NBEAL1: variants seen among roughly 807,000 people sequenced by gnomAD.
NBEAL1 encodes the protein neurobeachin like 1.
NBEAL1 carries 273 observed loss-of-function variants against 351.3 expected under a neutral mutation model. That is an observed-to-expected ratio of 0.78 (90% confidence interval 0.70 to 0.86). The LOEUF is 0.86. NBEAL1 is among the 40% of genes least tolerant of loss of function. The pLI, the probability that NBEAL1 is intolerant of heterozygous loss-of-function variation, is 0.00. For missense variants in NBEAL1, 2,961 were observed against 3,201.3 expected (o/e 0.92, Z 1.81); for synonymous variants, 1,050 against 1,086.4 (o/e 0.97, Z 0.66).
At chr2:203,050,259 G>T in intron 4 of NBEAL1, 1 of 194,874 alleles carries the variant, frequency 5.1e-6, no homozygotes, top group Non-Finnish European at 1.0e-5. Context: ...GAAAAAATAA[G>T]CTAATTATCT....
Position 203,135,884 on chromosome 2 carries a change from G to A in NBEAL1, c.4021G>A (p.Asp1341Asn), listed in dbSNP as rs760329517. 1 of 1,614,068 alleles carries A rather than the reference G, an allele frequency of 6.2e-7. No homozygotes were observed. Among genetic ancestry groups the A allele is most frequent in the Non-Finnish European group, 8.5e-7 (1 of 1,179,962 alleles). Reference sequence around the variant, plus strand: ...CAAGAAGAACTCTGATGAAAAAACAGATGAGGAAAAAATCACCTCTTTTGC... The same window carrying A: ...CAAGAAGAACTCTGATGAAAAAACAAATGAGGAAAAAATCACCTCTTTTGC... ...DTKKNSDEKT[D>N]EEKITSFASA... Residue 1341 changes from aspartate (D) to asparagine (N), a missense_variant, in exon 28 of 56, where the codon GAT (aspartate) becomes AAT (asparagine). By Grantham distance (23) the Asp-to-Asn change is conservative. Coordinates refer to ENST00000683969, the MANE Select transcript of NBEAL1 (RefSeq NM_001378026.1).
chr2:203,122,667 A>G (rs1198044290), intron 19 of NBEAL1, among the ~76,000 whole-genome samples: 2 of 152,134 alleles, frequency 1.3e-5, no homozygotes, highest in Non-Finnish European at 1.5e-5. Context: ...CCATGTCTGT[A>G]TGGGTTCTCA....
At chr2:203,159,644 G>A (rs576928662) in intron 36 of NBEAL1, among the ~76,000 whole-genome samples, 1 of 152,110 alleles carries the variant, frequency 6.6e-6, no homozygotes, top group African/African-American at 2.4e-5. Flanking sequence ...TCAATCATGA[G>A]CATTTAGGTT....
intron 7 of NBEAL1, among the ~76,000 whole-genome samples, chr2:203,072,710 C>A (rs1349166872): frequency 6.6e-6 from 1 of 152,168 alleles, no homozygotes; most frequent in Non-Finnish European, 1.5e-5. Context: ...CAATAACATG[C>A]TCCTTATTTA....
intron 51 of NBEAL1, among the ~76,000 whole-genome samples, chr2:203,206,447 C>G (rs563274041): frequency 2.0e-5 from 3 of 152,040 alleles, no homozygotes; most frequent in African/African-American, 4.8e-5. Flanking sequence ...CTCTTTCCAC[C>G]GTCTTCCTCT....
rs1329899950 is a variant in NBEAL1 at position 203,049,994 on chromosome 2, A to G, written c.305+19A>G. On this transcript the variant is annotated intron_variant, in intron 4 of 55. Coordinates refer to ENST00000683969, the MANE Select transcript of NBEAL1 (RefSeq NM_001378026.1). ...TTTGCAGGTATCTAGTAGAAAAAATAAGCTAGTTTTCACTCATAGGTGGGA... is the reference window on the plus strand; with the variant it reads ...TTTGCAGGTATCTAGTAGAAAAAATGAGCTAGTTTTCACTCATAGGTGGGA... 3.9e-6 allele frequency: 6 copies of G among 1,549,128 alleles called. No individual in the cohort carries two copies. Among genetic ancestry groups the G allele is most frequent in the Non-Finnish European group, 5.2e-6 (6 of 1,145,432 alleles).
intron 6 of NBEAL1, chr2:203,061,614 C>T (rs79207646): frequency 0.035 from 5,467 of 154,524 alleles, 321 homozygotes; most frequent in African/African-American, 0.12. Flanking sequence ...AAACTGGAAG[C>T]TGTAAAGGCT....
intron 18 of NBEAL1, among the ~76,000 whole-genome samples, chr2:203,116,471 C>T (rs547314001): frequency 2.0e-5 from 3 of 152,114 alleles, no homozygotes; most frequent in African/African-American, 7.2e-5. Context: ...AAAAAATGTT[C>T]ACTTCAAAAG....
intron 36 of NBEAL1, among the ~76,000 whole-genome samples, chr2:203,158,316 A>G (rs2063852036): frequency 6.6e-6 from 1 of 152,230 alleles, no homozygotes; most frequent in African/African-American, 2.4e-5. Flanking sequence ...ATTAGGATTG[A>G]AAGAGGAGAT....
Position 203,172,802 on chromosome 2 carries a change from C to G in NBEAL1, c.6272C>G (p.Ser2091Cys), listed in dbSNP as rs1223195639. ...AACCCTGCTGTATTTCGAGATCTTT[C>G]CAAACCAATTGGGGTAGTTAATGAA... ...LNNPAVFRDL[S>C]KPIGVVNEKN... The change falls in exon 41 of 56, where the codon TCC becomes TGC. Residue 2091 changes from serine (S) to cysteine (C), a missense_variant. Ser to Cys is a moderately radical substitution (Grantham distance 112). Coordinates refer to ENST00000683969, the MANE Select transcript of NBEAL1 (RefSeq NM_001378026.1). 6.8e-6 allele frequency: 11 copies of G among 1,612,022 alleles called. No homozygotes were observed. Among genetic ancestry groups the G allele is most frequent in the East Asian group, 2.2e-5 (1 of 44,700 alleles).
intron 10 of NBEAL1, among the ~76,000 whole-genome samples, chr2:203,089,614 A>G (rs964482037): frequency 3.3e-5 from 5 of 152,180 alleles, no homozygotes; most frequent in African/African-American, 1.2e-4. Context: ...GAGACACGAG[A>G]ACCTAGGATC....
Position 203,127,948 on chromosome 2 carries a change from T to C in NBEAL1, c.3405+11T>C, listed in dbSNP as rs767959922. ...AATGAAGAAGAACAGGTATTATGCCTAAGATACATCTACTTTTCCTTTTTA... is the reference window on the plus strand; with the variant it reads ...AATGAAGAAGAACAGGTATTATGCCCAAGATACATCTACTTTTCCTTTTTA... On this transcript the variant is annotated intron_variant, in intron 24 of 55. Transcript: ENST00000683969. The C allele has an allele frequency of 2.5e-5, 38 of 1,539,962 alleles. No individual in the cohort carries two copies. The South Asian group carries it at 4.3e-4, about 18-fold the overall frequency.
chr2:203,032,634 CA>C (rs1400579380), intron 2 of NBEAL1, among the ~76,000 whole-genome samples: 2 of 138,478 alleles, frequency 1.4e-5, no homozygotes, highest in Non-Finnish European at 3.1e-5. Flanking sequence ...AACAAAAACC[CA>C]AAGAAAGAGT....
chr2:203,092,962 G>A (rs916384536), intron 10 of NBEAL1, among the ~76,000 whole-genome samples: 6 of 152,128 alleles, frequency 3.9e-5, no homozygotes, highest in African/African-American at 1.4e-4. Flanking sequence ...GCTGGATGCG[G>A]TAGCTCACAC....
At position 203,038,741 on chromosome 2, in the gene NBEAL1, G is replaced by A. The variant is rs766376966; in HGVS notation, c.52-3024G>A. Among the ~76,000 whole-genome samples, 16 of 148,886 alleles carry A rather than the reference G, an allele frequency of 1.1e-4. 2 individuals carry two copies. The highest frequency in any genetic ancestry group is 2.0e-4 in the Non-Finnish European group (13 of 66,386). Reference sequence around the variant, plus strand: ...GATGGCATGTGTCACTCAGTGGCACGATCACAGCTCACCCCAGTCTTGACT... The same window carrying A: ...GATGGCATGTGTCACTCAGTGGCACAATCACAGCTCACCCCAGTCTTGACT... On this transcript the variant is annotated intron_variant, in intron 2 of 55. Transcript: ENST00000683969.
rs1052255411 is a variant in NBEAL1 at position 203,150,434 on chromosome 2, A to G, written c.5463-1031A>G. Among the ~76,000 whole-genome samples, 107 of 151,898 alleles carry G rather than the reference A, an allele frequency of 7.0e-4. 7 individuals are homozygous for G. The highest frequency in any genetic ancestry group is 7.4e-5 in the Non-Finnish European group (5 of 67,962). ...TTTGTTGAATTGTAAGAATGTATAT[A>G]TAAATATATATATATATCGAATAAT... On this transcript the variant is annotated intron_variant, in intron 34 of 55. Coordinates refer to ENST00000683969, the MANE Select transcript of NBEAL1 (RefSeq NM_001378026.1).
At chr2:203,168,856 T>C (rs1202753168) in intron 38 of NBEAL1, among the ~76,000 whole-genome samples, 1 of 131,084 alleles carries the variant, frequency 7.6e-6, no homozygotes, top group Non-Finnish European at 1.5e-5. Context: ...ATCACGCCAG[T>C]GCACTCTAGC....
rs142571787 is a variant in NBEAL1, at chr2:203,115,341, C to G, written c.2507-644C>G. On this transcript the variant is annotated intron_variant, in intron 17 of 55. Transcript: ENST00000683969. ...TTTTTACCATGTTGGCCAGGCTGGT[C>G]TCAAACTCCTGACCTCAGGTGATCC... is the stretch of plus-strand genomic sequence containing the variant. Among the ~76,000 whole-genome samples the G allele has an allele frequency of 9.2e-3, 1,403 of 152,098 alleles. 15 individuals carry two copies. Among genetic ancestry groups the G allele is most frequent in the African/African-American group, 0.032 (1,322 of 41,474 alleles).
chr2:203,119,424 C>CTTTTTTTTTTTTTTGTTTTTTT (rs2062777324), intron 18 of NBEAL1, among the ~76,000 whole-genome samples: 1 of 66,656 alleles, frequency 1.5e-5, no homozygotes, highest in Non-Finnish European at 2.6e-5. Context: ...CGGCCTGTTG[C>CTTTTTTTTTTTTTTGTTTTTTT]TTTTTTTTTT....
Sources: gnomAD v4.1 joint callset for allele counts (sites outside exome capture counted in the v4.1 genomes callset) on GRCh38, gnomAD v4.1.1 for gene constraint, MANE v1.5 for transcripts, NCBI Gene and HGNC (gene_info 2026-07-23, HGNC 2026-07-21) for gene names.